Variants in PDZRN3 observed in about 807,000 individuals in gnomAD.
The protein encoded by PDZRN3 is PDZ domain containing ring finger 3, also known as E3 ubiquitin-protein ligase PDZRN3.
Under a neutral mutation model 85.7 loss-of-function variants are expected in PDZRN3, and 38 were observed. The ratio of observed to expected loss-of-function variants is 0.44; its 90% CI spans 0.34 to 0.58. PDZRN3 has a LOEUF of 0.58. PDZRN3 is among the 20% of genes least tolerant of loss of function. The probability of loss-of-function intolerance (pLI) is 0.01; values close to 1 mark genes in which losing one functional copy is unlikely to be tolerated. For missense variants in PDZRN3, 1,629 were observed against 1,506.4 expected (o/e 1.08, Z -1.35); for synonymous variants, 759 against 638.0 (o/e 1.19, Z -2.86).
intron 3 of PDZRN3, among the ~76,000 whole-genome samples, chr3:73,518,555 A>T (rs1047949404): frequency 6.6e-6 from 1 of 152,156 alleles, no homozygotes; most frequent in Non-Finnish European, 1.5e-5. Context: ...AAAAAAAAAG[A>T]CTGAGGTATA....
chr3:73,434,009 A>G lies in PDZRN3; in HGVS notation c.919-29614T>C, dbSNP rs542879667. The stretch of plus-strand genomic sequence containing the variant: ...ACTCTGGCAGCTGGATTGTGGTCCA[A>G]TGCACACGCTATATATACTGCTGCT... On this transcript the variant is annotated intron_variant, in intron 3 of 9. Transcript: ENST00000263666. 1.5e-4 allele frequency: 178 copies of G among 1,183,776 alleles called. No homozygotes were observed. In the African/African-American group the frequency reaches 2.6e-3, roughly 18 times the overall value. The allele number at this position is 1,183,776 out of a possible 1,614,324, so 73.3% of individuals were successfully genotyped here.
chr3:73,534,479 A>G (rs548277296), intron 3 of PDZRN3, among the ~76,000 whole-genome samples: 1 of 152,270 alleles, frequency 6.6e-6, no homozygotes, highest in Non-Finnish European at 1.5e-5. Context: ...GATTTTTGTT[A>G]TTTTAACACT....
rs141617776 is a variant in PDZRN3 at position 73,574,360 on chromosome 3, G to A, written c.918+27994C>T. ...TTAGGCAGAGTGAGCTGGTATAGCT[G>A]AGAAATCCTTCTTAGCCACTCCCCT... On this transcript the variant is annotated intron_variant, in intron 3 of 9. Coordinates refer to ENST00000263666, the MANE Select transcript of PDZRN3 (RefSeq NM_015009.3). Among the ~76,000 whole-genome samples, 264 of 148,142 alleles carry A rather than the reference G, an allele frequency of 1.8e-3. 1 individual carries two copies. The highest frequency in any genetic ancestry group is 6.1e-3 in the African/African-American group (248 of 40,438).
intron 3 of PDZRN3, among the ~76,000 whole-genome samples, chr3:73,576,594 T>C (rs1211262760): frequency 6.6e-6 from 1 of 152,206 alleles, no homozygotes; most frequent in African/African-American, 2.4e-5. Context: ...CCCTAAGTAC[T>C]AGGAAATTTA....
rs76266624 is a variant in PDZRN3 at position 73,440,960 on chromosome 3, A to C, written c.919-36565T>G. ...CTGTGGGTGTGCACTAAACCAAAGGAACAGTCACAAACCAGGGGCGGAAAG... is the reference window on the plus strand; with the variant it reads ...CTGTGGGTGTGCACTAAACCAAAGGCACAGTCACAAACCAGGGGCGGAAAG... On this transcript the variant is annotated intron_variant, in intron 3 of 9. Transcript: ENST00000263666. 5.6e-3 allele frequency among the ~76,000 whole-genome samples: 860 copies of C among 152,330 alleles called. 3 individuals are homozygous for C. Among genetic ancestry groups the C allele is most frequent in the Non-Finnish European group, 9.2e-3 (625 of 68,034 alleles).
chr3:73,602,763 T>C (rs374514860), intron 2 of PDZRN3, among the ~76,000 whole-genome samples: 10 of 152,348 alleles, frequency 6.6e-5, no homozygotes, highest in African/African-American at 1.9e-4. Flanking sequence ...TAACACATCA[T>C]ATTCCTAAAT....
At chr3:73,622,860 C>G (rs577834442) in intron 1 of PDZRN3, among the ~76,000 whole-genome samples, 4 of 152,246 alleles carry the variant, frequency 2.6e-5, no homozygotes, top group South Asian at 4.2e-4. Flanking sequence ...AATAAACACT[C>G]AATAAATGGT....
chr3:73,525,340 CAT>C (rs1704496931), intron 3 of PDZRN3, among the ~76,000 whole-genome samples: 3 of 152,120 alleles, frequency 2.0e-5, no homozygotes, highest in Admixed American at 2.0e-4. Flanking sequence ...TTTATGAACA[CAT>C]GTCAGTTTCT....
intron 3 of PDZRN3, among the ~76,000 whole-genome samples, chr3:73,504,334 C>A (rs766437328): frequency 3.3e-5 from 5 of 152,118 alleles, no homozygotes; most frequent in Non-Finnish European, 7.4e-5. Context: ...CACATAAAGG[C>A]GCCATTCAGG....
chr3:73,486,853 A>C (rs1030754845), intron 3 of PDZRN3, among the ~76,000 whole-genome samples: 1 of 152,212 alleles, frequency 6.6e-6, no homozygotes. Context: ...ATATCAGGAA[A>C]ACTGATTATT....
intron 3 of PDZRN3, among the ~76,000 whole-genome samples, chr3:73,519,036 T>C (rs1293175557): frequency 6.6e-6 from 1 of 151,940 alleles, no homozygotes; most frequent in African/African-American, 2.4e-5. Flanking sequence ...GTGCAGTGAG[T>C]TCAGGAAACT....
Position 73,384,581 on chromosome 3 carries a change from T to C in PDZRN3, c.1985A>G (p.Tyr662Cys). 1 of 1,613,644 alleles carries C rather than the reference T, an allele frequency of 6.2e-7. No individual in the cohort carries two copies. The highest frequency in any genetic ancestry group is 8.5e-7 in the Non-Finnish European group (1 of 1,180,032). The change falls in exon 10 of 10, where the codon TAC (tyrosine) becomes TGC (cysteine). Residue 662 changes from tyrosine to cysteine, a missense_variant. Transcript: ENST00000263666. ...LKCQVKSATP[Y>C]GLYYPSGPLD... ...GGGGCCGCTAGGGTAGTACAGGCCGTAAGGGGTGGCGCTCTTCACCTGGCA... is the reference window on the plus strand; with the variant it reads ...GGGGCCGCTAGGGTAGTACAGGCCGCAAGGGGTGGCGCTCTTCACCTGGCA...
intron 3 of PDZRN3, among the ~76,000 whole-genome samples, chr3:73,557,691 A>G (rs1452480132): frequency 6.6e-6 from 1 of 152,174 alleles, no homozygotes; most frequent in East Asian, 1.9e-4. Context: ...GTTGTGTCTT[A>G]TGTCTTATGA....
intron 3 of PDZRN3, among the ~76,000 whole-genome samples, chr3:73,583,351 A>T (rs1043162611): frequency 6.6e-6 from 1 of 152,260 alleles, no homozygotes; most frequent in African/African-American, 2.4e-5. Flanking sequence ...TTATGGAAGT[A>T]AATTCTTCCT....
chr3:73,481,779 A>G (rs1385976867), intron 3 of PDZRN3, among the ~76,000 whole-genome samples: 1 of 152,134 alleles, frequency 6.6e-6, no homozygotes, highest in Non-Finnish European at 1.5e-5. Flanking sequence ...AAACTTAAAG[A>G]GTGTAATTTT....
At chr3:73,386,291 G>A (rs557884095) in intron 8 of PDZRN3, among the ~76,000 whole-genome samples, 2 of 138,532 alleles carry the variant, frequency 1.4e-5, no homozygotes, top group Admixed American at 7.7e-5. Context: ...GCAGTGGCAC[G>A]ATCTAGGTTC....
At chr3:73,443,954 T>C (rs1011800449) in intron 3 of PDZRN3, among the ~76,000 whole-genome samples, 1 of 152,234 alleles carries the variant, frequency 6.6e-6, no homozygotes, top group Admixed American at 6.5e-5. Context: ...GGCTCATCTT[T>C]ATGCCACATA....
At chr3:73,525,292 T>C (rs1004733165) in intron 3 of PDZRN3, among the ~76,000 whole-genome samples, 2 of 152,218 alleles carry the variant, frequency 1.3e-5, no homozygotes, top group African/African-American at 2.4e-5. Flanking sequence ...TGTATCTATG[T>C]ATACGTGTGT....
intron 7 of PDZRN3, among the ~76,000 whole-genome samples, chr3:73,388,746 C>T (rs1019723891): frequency 6.6e-6 from 1 of 151,738 alleles, no homozygotes; most frequent in African/African-American, 2.4e-5. Context: ...CACTAGTGAG[C>T]CAACAGGCAG....
Sources: gnomAD v4.1 joint callset for allele counts (sites outside exome capture counted in the v4.1 genomes callset) on GRCh38, gnomAD v4.1.1 for gene constraint, MANE v1.5 for transcripts, NCBI Gene and HGNC (gene_info 2026-07-23, HGNC 2026-07-21) for gene names.